Variants in VAV3 observed in about 807,000 individuals in gnomAD.
The protein encoded by VAV3 is vav guanine nucleotide exchange factor 3.
VAV3 carries 94 observed loss-of-function variants against 131.2 expected under a neutral mutation model. That is an observed-to-expected ratio of 0.72 (90% CI 0.61 to 0.85). The LOEUF (loss-of-function observed/expected upper bound fraction) is 0.85. Ranked by LOEUF, VAV3 falls within the 40% of genes least tolerant of loss-of-function variation. VAV3 has a pLI of 0.00. For missense variants in VAV3, 939 were observed against 1,002.7 expected (o/e 0.94, Z 0.86); for synonymous variants, 349 against 342.0 (o/e 1.02, Z -0.22).
At chr1:107,756,729 T>A (rs1485904766) in intron 11 of VAV3, among the ~76,000 whole-genome samples, 2 of 152,072 alleles carry the variant, frequency 1.3e-5, no homozygotes, top group African/African-American at 4.8e-5. Flanking sequence ...ATTTTCGTAT[T>A]TTCCTGAAAA....
At chr1:107,899,896 T>G (rs1671774907) in intron 1 of VAV3, among the ~76,000 whole-genome samples, 1 of 152,208 alleles carries the variant, frequency 6.6e-6, no homozygotes, top group Non-Finnish European at 1.5e-5. Flanking sequence ...GATCTGTATC[T>G]TAGCTGGGTG....
intron 15 of VAV3, among the ~76,000 whole-genome samples, chr1:107,730,874 T>C (rs990044927): frequency 5.3e-5 from 8 of 152,156 alleles, no homozygotes; most frequent in African/African-American, 1.9e-4. Context: ...TGAGGCAGCA[T>C]GGTATGAGAG....
chr1:107,657,011 T>G (rs1570697188), intron 19 of VAV3, among the ~76,000 whole-genome samples: 1 of 132,768 alleles, frequency 7.5e-6, no homozygotes, highest in African/African-American at 2.9e-5. Flanking sequence ...TGGAGTGCAG[T>G]GGCACAATCT....
intron 15 of VAV3, among the ~76,000 whole-genome samples, chr1:107,708,318 A>G (rs1430963759): frequency 2.6e-5 from 4 of 152,200 alleles, no homozygotes; most frequent in African/African-American, 9.6e-5. Context: ...TGTCAAACAG[A>G]TTAGTTAACT....
At chr1:107,679,160 T>A (rs1395723775) in intron 19 of VAV3, among the ~76,000 whole-genome samples, 1 of 152,202 alleles carries the variant, frequency 6.6e-6, no homozygotes, top group Non-Finnish European at 1.5e-5. Context: ...ATGTCAATCC[T>A]ATCCACCTGA....
chr1:107,860,573 C>T (rs1669692484), intron 2 of VAV3, among the ~76,000 whole-genome samples: 1 of 151,342 alleles, frequency 6.6e-6, no homozygotes, highest in South Asian at 2.1e-4. Flanking sequence ...TGATAGTGTC[C>T]CTTTCTTTAA....
At chr1:107,765,001 C>CACTGAT (rs1476594311) in intron 9 of VAV3, 75 bp downstream of exon 9, 2 of 923,364 alleles carry the variant, frequency 2.2e-6, no homozygotes. Flanking sequence ...TGTACTGCTT[C>CACTGAT]ACTGATCATA....
chr1:107,874,533 G>A (rs1670395851), intron 2 of VAV3, among the ~76,000 whole-genome samples: 1 of 152,138 alleles, frequency 6.6e-6, no homozygotes, highest in Non-Finnish European at 1.5e-5. Context: ...CTGGTCCTCA[G>A]GCCTGAGTGC....
chr1:107,670,081 C>T (rs1657676923), intron 19 of VAV3, among the ~76,000 whole-genome samples: 1 of 152,142 alleles, frequency 6.6e-6, no homozygotes. Context: ...GTATTTTCAT[C>T]TCCATTTTAC....
intron 1 of VAV3, among the ~76,000 whole-genome samples, chr1:107,886,558 G>A (rs901659177): frequency 4.6e-4 from 70 of 152,316 alleles, no homozygotes; most frequent in African/African-American, 1.7e-3. Flanking sequence ...CAAAGTTGAG[G>A]ACTTCCTTCA....
chr1:107,783,892 C>CA (rs55821232), intron 2 of VAV3, among the ~76,000 whole-genome samples: 7,576 of 107,882 alleles, frequency 0.07, 241 homozygotes, highest in Middle Eastern at 0.14. Context: ...ACTAAAAATA[C>CA]AAAAAAAAAA....
At chr1:107,735,471 A>G (rs1316427595) in intron 15 of VAV3, among the ~76,000 whole-genome samples, 1 of 152,188 alleles carries the variant, frequency 6.6e-6, no homozygotes, top group Non-Finnish European at 1.5e-5. Flanking sequence ...AAGACTAATA[A>G]AGAAGAAAAG....
At chr1:107,802,806 T>C (rs1324604220) in intron 2 of VAV3, among the ~76,000 whole-genome samples, 5 of 152,062 alleles carry the variant, frequency 3.3e-5, no homozygotes, top group African/African-American at 7.2e-5. Context: ...CTACTTTCTG[T>C]TGTGTGCTTG....
chr1:107,770,031 C>G (rs888256033), intron 6 of VAV3, among the ~76,000 whole-genome samples: 3 of 152,166 alleles, frequency 2.0e-5, no homozygotes, highest in African/African-American at 7.2e-5. Flanking sequence ...TTCCCAATGT[C>G]CTTGCATGGC....
At chr1:107,896,992 G>A (rs1231121246) in intron 1 of VAV3, among the ~76,000 whole-genome samples, 1 of 151,930 alleles carries the variant, frequency 6.6e-6, no homozygotes, top group African/African-American at 2.4e-5. Context: ...AGATAGAAGG[G>A]TGAGAAAAAC....
rs1649936934 is a variant in VAV3 at position 107,580,145 on chromosome 1, T to C, written c.2351-5947A>G. ...TCTGGAGGGCAGGGGCCAGTTCTAA[T>C]ATTGCTTCTGCATCCTCCACAGGAT... On this transcript the variant is annotated intron_variant, in intron 25 of 26. Transcript: ENST00000370056. Among the ~76,000 whole-genome samples, 3 of 152,206 alleles carry C rather than the reference T, an allele frequency of 2.0e-5. No individual in the cohort carries two copies. The South Asian group carries it at 6.2e-4, about 31-fold the overall frequency.
At chr1:107,785,124 T>C (rs552981634) in intron 2 of VAV3, among the ~76,000 whole-genome samples, 1 of 152,350 alleles carries the variant, frequency 6.6e-6, no homozygotes, top group South Asian at 2.1e-4. Context: ...ATTCTCTTCA[T>C]GAGACATTCG....
chr1:107,575,664 T>G (rs927919793), intron 25 of VAV3, among the ~76,000 whole-genome samples: 1 of 152,202 alleles, frequency 6.6e-6, no homozygotes, highest in Non-Finnish European at 1.5e-5. Flanking sequence ...TCATCAACTG[T>G]GTGGTGACCT....
chr1:107,767,824 G>C (rs1026455781), intron 7 of VAV3, among the ~76,000 whole-genome samples: 4 of 152,074 alleles, frequency 2.6e-5, no homozygotes, highest in Non-Finnish European at 5.9e-5. Context: ...TAGATTTCTG[G>C]GCAAATATCC....
Sources: gnomAD v4.1 joint callset for allele counts (sites outside exome capture counted in the v4.1 genomes callset) on GRCh38, gnomAD v4.1.1 for gene constraint, MANE v1.5 for transcripts, NCBI Gene and HGNC (gene_info 2026-07-23, HGNC 2026-07-21) for gene names.